IL31RA: variants seen among roughly 807,000 people sequenced by gnomAD.
The protein encoded by IL31RA is interleukin-31 receptor subunit alpha.
In IL31RA, 66 loss-of-function variants were observed where a neutral mutation model predicts 83.7. That is an observed-to-expected ratio of 0.79 (90% confidence interval 0.65 to 0.97). The LOEUF (loss-of-function observed/expected upper bound fraction) is 0.97, where lower values mean the gene tolerates loss of function less well. Among genes scored for constraint, IL31RA ranks in the 50% least tolerant of loss-of-function variants. The pLI, the probability that IL31RA is intolerant of heterozygous loss-of-function variation, is 0.00. For synonymous variants in IL31RA, 325 were observed against 329.0 expected, an observed-to-expected ratio of 0.99 and a Z score of 0.13; for missense variants, 798 against 919.4, an observed-to-expected ratio of 0.87 and a Z score of 1.71.
intron 6 of IL31RA, among the ~76,000 whole-genome samples, chr5:55,894,712 T>C (rs1748224784): frequency 6.6e-6 from 1 of 152,204 alleles, no homozygotes; most frequent in Non-Finnish European, 1.5e-5. Flanking sequence ...TCAGTTATTT[T>C]ACTTTTTTAA....
chr5:55,916,679 G>A lies in IL31RA; in HGVS notation c.1854G>A (p.Val618=). The A allele has an allele frequency of 6.2e-7, 1 of 1,614,154 alleles. No individual in the cohort carries two copies. The highest frequency in any genetic ancestry group is 8.5e-7 in the Non-Finnish European group (1 of 1,180,024). Residue 618 remains valine (V), a synonymous_variant, in exon 15 of 15, where the codon GTG becomes GTA. Coordinates refer to ENST00000652347, the MANE Select transcript of IL31RA (RefSeq NM_139017.7). ...ACCTGAAGGAGTCTGATGACTCTGTGAACACAGAAGACAGGATCTTAAAAC... is the reference window on the plus strand; with the variant it reads ...ACCTGAAGGAGTCTGATGACTCTGTAAACACAGAAGACAGGATCTTAAAAC... ...KLNLKESDDS[V]NTEDRILKPC...
rs1749984003 is a variant in IL31RA, at chr5:55,919,489, TC to T, written c.*2371del. Among the ~76,000 whole-genome samples the T allele has an allele frequency of 6.6e-6, 1 of 152,184 alleles. No homozygotes were observed. Among genetic ancestry groups the T allele is most frequent in the South Asian group, 2.1e-4 (1 of 4,822 alleles). On this transcript the variant is annotated 3_prime_UTR_variant, in exon 15 of 15. Transcript: ENST00000652347. The stretch of plus-strand genomic sequence containing the variant: ...AATTTGCAAATCCCCACCCAGCCCT[TC>T]CTGTTTCATTTCTTCTTTCCTTTCT...
intron 8 of IL31RA, among the ~76,000 whole-genome samples, chr5:55,904,964 C>A (rs908480138): frequency 1.3e-5 from 2 of 151,388 alleles, no homozygotes; most frequent in Non-Finnish European, 2.9e-5. Context: ...GGGAGACCGA[C>A]TGAGCTGGGC....
At position 55,912,201 on chromosome 5, in the gene IL31RA, C is replaced by G. The variant is rs543231752; in HGVS notation, c.1643-1276C>G. ...GATCCTCTATAATCCATTTTCCACA[C>G]AGCAGCCAGAGTTTCAAACCCTGAA... On this transcript the variant is annotated intron_variant, in intron 12 of 14. Transcript: ENST00000652347. Among the ~76,000 whole-genome samples, 5 of 152,304 alleles carry G rather than the reference C, an allele frequency of 3.3e-5. No homozygotes were observed. In the South Asian group the frequency reaches 1.0e-3, roughly 32 times the overall value.
intron 2 of IL31RA, among the ~76,000 whole-genome samples, chr5:55,864,481 T>G (rs1372026380): frequency 7.1e-6 from 1 of 140,214 alleles, no homozygotes; most frequent in Non-Finnish European, 1.5e-5. Flanking sequence ...ATACACACCA[T>G]GCACACATCA....
At chr5:55,895,690 G>C (rs923249327) in intron 6 of IL31RA, among the ~76,000 whole-genome samples, 1 of 152,158 alleles carries the variant, frequency 6.6e-6, no homozygotes, top group Non-Finnish European at 1.5e-5. Context: ...AAAGATCCAC[G>C]TGATAAATTC....
upstream of IL31RA, among the ~76,000 whole-genome samples, chr5:55,847,528 G>A (rs1472280858): frequency 1.3e-5 from 2 of 152,058 alleles, no homozygotes; most frequent in East Asian, 3.8e-4. Flanking sequence ...GTTGCAGTGA[G>A]CCAAGATCGC....
At position 55,920,980 on chromosome 5, in the gene IL31RA, G is replaced by A. The variant is rs1030114837; in HGVS notation, c.*3860G>A. 1.3e-5 allele frequency among the ~76,000 whole-genome samples: 2 copies of A among 152,030 alleles called. No individual in the cohort carries two copies. The highest frequency in any genetic ancestry group is 4.8e-5 in the African/African-American group (2 of 41,378). ...TACTGGCATCTAGTGGGTAGAGGCC[G>A]GCAATGCTGGAAATTATCTTATAAT... On this transcript the variant is annotated 3_prime_UTR_variant, in exon 15 of 15. Coordinates refer to ENST00000652347, the MANE Select transcript of IL31RA (RefSeq NM_139017.7).
chr5:55,902,280 A>G (rs1025998712), intron 8 of IL31RA: 2 of 152,158 alleles, frequency 1.3e-5, no homozygotes, highest in Non-Finnish European at 2.9e-5. Context: ...AATATTTGCT[A>G]TCTGGCTCTT....
chr5:55,844,968 T>C, the IL31RA span, among the ~76,000 whole-genome samples: 1 of 152,222 alleles, frequency 6.6e-6, no homozygotes, highest in African/African-American at 2.4e-5. Context: ...TTATGCTTCC[T>C]TAGAATTTCC....
At position 55,922,426 on chromosome 5, in the gene IL31RA, A is replaced by T; in HGVS notation, c.*5306A>T. ...GAATTCTGTCTTCCTGCCCAACTTC[A>T]ATATAAGTGTGGACTAAAATGCGAG... On this transcript the variant is annotated 3_prime_UTR_variant, in exon 15 of 15. Transcript: ENST00000652347. 6.4e-7 allele frequency: 1 copy of T among 1,550,816 alleles called. No homozygotes were observed. Among genetic ancestry groups the T allele is most frequent in the South Asian group, 1.2e-5 (1 of 84,038 alleles).
Position 55,916,821 on chromosome 5 carries a change from G to C in IL31RA, c.1996G>C (p.Gly666Arg), listed in dbSNP as rs765709220. 1 of 1,614,162 alleles carries C rather than the reference G, an allele frequency of 6.2e-7. No homozygotes were observed. The highest frequency in any genetic ancestry group is 8.5e-7 in the Non-Finnish European group (1 of 1,180,040). ...ARTGQENNLG[G>R]EKNGYVTCPF... ...AACGGGTCAGGAAAACAATTTAGGA[G>C]GGGAAAAGAATGGGTATGTGACCTG... Residue 666 changes from glycine (G) to arginine (R), a missense_variant, in exon 15 of 15, where the codon GGG becomes CGG. By Grantham distance (125) the Gly-to-Arg change is moderately radical. Transcript: ENST00000652347.
chr5:55,922,542 C>G lies in IL31RA; in HGVS notation c.*5422C>G. 1.1e-6 allele frequency: 1 copy of G among 907,044 alleles called. No individual in the cohort carries two copies. The highest frequency in any genetic ancestry group is 1.7e-6 in the Non-Finnish European group (1 of 581,922). The allele number at this position is 907,044 out of a possible 1,614,324, so 56.2% of individuals were successfully genotyped here. On this transcript the variant is annotated 3_prime_UTR_variant, in exon 15 of 15. Transcript: ENST00000652347. The stretch of plus-strand genomic sequence containing the variant: ...ATCTGTGGCCCCAAGAGAACCATCT[C>G]TGAAGACTGGGTATGTGGTCTTTTC...
chr5:55,864,792 TACAC>T (rs931186736), intron 2 of IL31RA, among the ~76,000 whole-genome samples: 2 of 148,838 alleles, frequency 1.3e-5, no homozygotes, highest in Non-Finnish European at 3.0e-5. Flanking sequence ...ACACACACTC[TACAC>T]ACACACCATT....
At chr5:55,916,616 A>G in intron 14 of IL31RA, 28 bp from the exon 15 acceptor site, 1 of 1,599,584 alleles carries the variant, frequency 6.3e-7, no homozygotes, top group Non-Finnish European at 8.6e-7. Flanking sequence ...CTAAATGACC[A>G]CTTGGGATGT....
intron 13 of IL31RA, 118 bp downstream of exon 13, chr5:55,913,688 T>C (rs1749630222): frequency 1.3e-6 from 1 of 745,238 alleles, no homozygotes; most frequent in African/African-American, 1.7e-5. Flanking sequence ...ATTCATTTAT[T>C]AACTTGGTGC....
rs181128028 is a variant in IL31RA, at chr5:55,919,843, G to T, written c.*2723G>T. Among the ~76,000 whole-genome samples the T allele has an allele frequency of 6.6e-6, 1 of 152,190 alleles. No homozygotes were observed. The highest frequency in any genetic ancestry group is 2.4e-5 in the African/African-American group (1 of 41,440). ...CTGGATCGAGTCACCAACTGTCCCCGCTCTGGGCACCAGGGACTGCCTCTG... is the reference window on the plus strand; with the variant it reads ...CTGGATCGAGTCACCAACTGTCCCCTCTCTGGGCACCAGGGACTGCCTCTG... On this transcript the variant is annotated 3_prime_UTR_variant, in exon 15 of 15. Coordinates refer to ENST00000652347, the MANE Select transcript of IL31RA (RefSeq NM_139017.7).
In IL31RA at chr5:55,900,560, C is replaced by T. The variant is rs142023774; in HGVS notation, c.1069+428C>T. Among the ~76,000 whole-genome samples, 952 of 152,274 alleles carry T rather than the reference C, an allele frequency of 6.3e-3. 3 individuals are homozygous for T. Among genetic ancestry groups the T allele is most frequent in the Middle Eastern group, 0.02 (6 of 294 alleles). ...CCATCCTTGGTTTAATGCTTGCTGT[C>T]CTGTTTTCTTCCTTTTCCCCTTCCA... On this transcript the variant is annotated intron_variant, in intron 8 of 14. Transcript: ENST00000652347.
chr5:55,899,408 C>G (rs1748668716), intron 7 of IL31RA, among the ~76,000 whole-genome samples: 1 of 152,202 alleles, frequency 6.6e-6, no homozygotes, highest in African/African-American at 2.4e-5. Flanking sequence ...GTGCGGCCCT[C>G]TTAGCTAGGA....
Sources: gnomAD v4.1 joint callset for allele counts (sites outside exome capture counted in the v4.1 genomes callset) on GRCh38, gnomAD v4.1.1 for gene constraint, MANE v1.5 for transcripts, NCBI Gene and HGNC (gene_info 2026-07-23, HGNC 2026-07-21) for gene names.